The following IGFBP6 variants were observed in gnomAD, a reference collection of about 807,000 sequenced individuals.
IGFBP6 encodes the protein insulin like growth factor binding protein 6.
IGFBP6 carries 24 observed loss-of-function variants against 24.5 expected under a neutral mutation model. The ratio of observed to expected loss-of-function variants is 0.98; its 90% CI spans 0.71 to 1.38. The LOEUF (loss-of-function observed/expected upper bound fraction) is 1.38, where lower values mean the gene tolerates loss of function less well. Ranked by LOEUF, IGFBP6 falls within the 40% of genes most tolerant of loss-of-function variation. IGFBP6 has a pLI of 0.00. For missense variants in IGFBP6, 331 were observed against 324.8 expected, an observed-to-expected ratio of 1.02 and a Z score of -0.15; for synonymous variants, 147 against 137.4, an observed-to-expected ratio of 1.07 and a Z score of -0.49.
At position 53,102,162 on chromosome 12, in the gene IGFBP6, G is replaced by A. The variant is rs149870633; in HGVS notation, c.718G>A (p.Gly240Ser). Residue 240 changes from glycine to serine, a missense_variant, in exon 4 of 4, where the codon GGC becomes AGC. By Grantham distance (56) the Gly-to-Ser change is moderately conservative. Transcript: ENST00000301464. Reference sequence around the variant, plus strand: ...CTCCTCCTGCCCCACTGGGAGTAGCGGCTAAAGCTGGGGGATAGAGGGGCT... The same window carrying A: ...CTCCTCCTGCCCCACTGGGAGTAGCAGCTAAAGCTGGGGGATAGAGGGGCT... ...GSSSCPTGSS[G>S] 1.5e-5 allele frequency: 24 copies of A among 1,613,802 alleles called. No individual in the cohort carries two copies. The highest frequency in any genetic ancestry group is 7.7e-5 in the South Asian group (7 of 91,086).
At chr12:53,101,279 C>A in intron 3 of IGFBP6, 119 bp downstream of exon 3, 1 of 998,580 alleles carries the variant, frequency 1.0e-6, no homozygotes, top group Non-Finnish European at 1.5e-6. Flanking sequence ...GATCTTCCAA[C>A]TTTAGGAGAA....
At chr12:53,098,094 C>A in intron 1 of IGFBP6, 43 bp downstream of exon 1, 2 of 1,391,988 alleles carry the variant, frequency 1.4e-6, no homozygotes, top group Non-Finnish European at 1.8e-6. Context: ...GTGAGACCCG[C>A]GTCCTCCAGG....
intron 3 of IGFBP6, among the ~76,000 whole-genome samples, chr12:53,101,702 A>C (rs1052945833): frequency 2.0e-5 from 3 of 152,118 alleles, no homozygotes; most frequent in African/African-American, 7.2e-5. Flanking sequence ...GTTCAAGATC[A>C]GCCTGAACAA....
rs1334987766 is a variant in IGFBP6 at position 53,102,222 on chromosome 12, ACTCAACAAAAAACCGAGGCC to A, written c.*61_*80del. ...CTGGAAGGAACATGGAGCTGTCATC[ACTCAACAAAAAACCGAGGCC>A]CTCAATCCACCTTCAGGCCCCGCCC... On this transcript the variant is annotated 3_prime_UTR_variant, in exon 4 of 4. Coordinates refer to ENST00000301464, the MANE Select transcript of IGFBP6 (RefSeq NM_002178.3). 1.9e-6 allele frequency: 3 copies of A among 1,599,604 alleles called. No individual in the cohort carries two copies. The Admixed American group carries it at 5.2e-5, about 28-fold the overall frequency.
Position 53,100,779 on chromosome 12 carries a change from C to T in IGFBP6, c.402C>T (p.Arg134=). 3 of 1,614,210 alleles carry T rather than the reference C, an allele frequency of 1.9e-6. No homozygotes were observed. The highest frequency in any genetic ancestry group is 2.2e-5 in the South Asian group (2 of 91,088). The change falls in exon 2 of 4, where the codon CGC becomes CGT. Residue 134 remains arginine, a synonymous_variant. Transcript: ENST00000301464. ...CTGCCCGCCCACAGGATGTGAACCG[C>T]AGAGACCAACAGAGGAATCCAGGCA... is the stretch of plus-strand genomic sequence containing the variant. ...AGTARPQDVN[R]RDQQRNPGTS...
rs979866567 is a variant in IGFBP6 at position 53,102,230 on chromosome 12, A to G, written c.*63A>G. ...AACATGGAGCTGTCATCACTCAACA[A>G]AAAACCGAGGCCCTCAATCCACCTT... On this transcript the variant is annotated 3_prime_UTR_variant, in exon 4 of 4. Transcript: ENST00000301464. 8 of 1,588,222 alleles carry G rather than the reference A, an allele frequency of 5.0e-6. No homozygotes were observed. The highest frequency in any genetic ancestry group is 1.1e-5 in the South Asian group (1 of 88,662).
At position 53,100,723 on chromosome 12, in the gene IGFBP6, A is replaced by G; in HGVS notation, c.346A>G (p.Asn116Asp). 6.2e-7 allele frequency: 1 copy of G among 1,614,088 alleles called. No homozygotes were observed. Among genetic ancestry groups the G allele is most frequent in the Non-Finnish European group, 8.5e-7 (1 of 1,180,010 alleles). ...PARAPAVAEE[N>D]PKESKPQAGT... ...TATTCCTCCTCCAGTTGCAGAGGAG[A>G]ATCCTAAGGAGAGTAAACCCCAAGC... Residue 116 changes from asparagine (N) to aspartate (D), a missense_variant, in exon 2 of 4, where the codon AAT (asparagine) becomes GAT (aspartate). Physicochemically the swap from Asn to Asp is conservative, Grantham distance 23. Coordinates refer to ENST00000301464, the MANE Select transcript of IGFBP6 (RefSeq NM_002178.3).
At position 53,098,013 on chromosome 12, in the gene IGFBP6, T is replaced by G; in HGVS notation, c.296T>G (p.Leu99Arg). Residue 99 changes from leucine (L) to arginine (R), a missense_variant, in exon 1 of 4, where the codon CTC (leucine) becomes CGC (arginine). By Grantham distance (102) the Leu-to-Arg change is moderately radical. Coordinates refer to ENST00000301464, the MANE Select transcript of IGFBP6 (RefSeq NM_002178.3). ...GAGGCGCCTTTGCGGGCGCTGCTGC[T>G]CGGCCGAGGCCGCTGCCTTCCGGCC... ...DDEAPLRALL[L>R]GRGRCLPARA... 6.6e-7 allele frequency: 1 copy of G among 1,508,068 alleles called. No homozygotes were observed. The allele number at this position is 1,508,068 out of a possible 1,614,324, so 93.4% of individuals were successfully genotyped here. A position where few individuals can be genotyped will look rare whatever the true frequency, so the allele number is the denominator to read the frequency against.
At position 53,102,044 on chromosome 12, in the gene IGFBP6, GT is replaced by G. The variant is rs765984679; in HGVS notation, c.601del (p.Cys201AlafsTer45). 1 of 1,613,004 alleles carries G rather than the reference GT, an allele frequency of 6.2e-7. No individual in the cohort carries two copies. The highest frequency in any genetic ancestry group is 1.1e-5 in the South Asian group (1 of 91,036). ...DHRGFYRKRQ[C>X]RSSQGQRRGP... ...CCTGACCTGTGTGCCTCTCTCTCCA[GT>G]GCCGCTCCTCCCAGGGGCAGCGCCG... On this transcript the variant is annotated frameshift_variant and splice_region_variant, in exon 4 of 4. Transcript: ENST00000301464. LOFTEE classifies it high-confidence loss of function.
chr12:53,101,219 G>A lies in IGFBP6; in HGVS notation c.600+59G>A, dbSNP rs1937823944. On this transcript the variant is annotated intron_variant, in intron 3 of 3. Transcript: ENST00000301464. ...AGAAGGCTCCTGCCAGGGAGTGGGG[G>A]CGGTGCTGCTTACAAAGCTGCATAA... 2.5e-6 allele frequency: 4 copies of A among 1,583,396 alleles called. No individual in the cohort carries two copies. The South Asian group carries it at 3.3e-5, about 13-fold the overall frequency.
At position 53,097,785 on chromosome 12, in the gene IGFBP6, G is replaced by T; in HGVS notation, c.68G>T (p.Gly23Val). Residue 23 changes from glycine (G) to valine (V), a missense_variant, in exon 1 of 4, where the codon GGA becomes GTA. By Grantham distance (109) the Gly-to-Val change is moderately radical. Transcript: ENST00000301464. Reference sequence around the variant, plus strand: ...GCTCTGCTGCTCGCTGCCAGCCCAGGAGGCGCCTTGGCGCGGTGCCCAGGC... The same window carrying T: ...GCTCTGCTGCTCGCTGCCAGCCCAGTAGGCGCCTTGGCGCGGTGCCCAGGC... ...LLALLLAASPGGALARCPGCG... is the reference protein window; with the variant it reads ...LLALLLAASPVGALARCPGCG... 1 of 1,544,678 alleles carries T rather than the reference G, an allele frequency of 6.5e-7. No individual in the cohort carries two copies.
chr12:53,102,302 GGT>G lies in IGFBP6; in HGVS notation c.*138_*139del. The G allele has an allele frequency of 5.1e-6, 5 of 972,890 alleles. No homozygotes were observed. In the East Asian group the frequency reaches 1.3e-4, roughly 26 times the overall value. 60.3% of individuals were successfully genotyped at this position (972,890 alleles called of 1,614,324 possible). A position where few individuals can be genotyped will look rare whatever the true frequency, so the allele number is the denominator to read the frequency against. Reference sequence around the variant, plus strand: ...CTCACCGCTGGTTGGAAAGAGTGTTGGTGTTGGCTGGGGTGTCAATAAAGCTG... The same window carrying G: ...CTCACCGCTGGTTGGAAAGAGTGTTGGTTGGCTGGGGTGTCAATAAAGCTG... On this transcript the variant is annotated 3_prime_UTR_variant, in exon 4 of 4. Transcript: ENST00000301464.
intron 1 of IGFBP6, 86 bp downstream of exon 1, chr12:53,098,137 G>A (rs186535693): frequency 2.1e-4 from 282 of 1,345,334 alleles, no homozygotes; most frequent in Non-Finnish European, 2.5e-4. Context: ...TGGGTGGCCC[G>A]GCAAGCCTTT....
At chr12:53,099,368 G>T (rs1234304232) in intron 1 of IGFBP6, 1 of 454,468 alleles carries the variant, frequency 2.2e-6, no homozygotes, top group Admixed American at 2.4e-5. Flanking sequence ...TCTGCCCTCA[G>T]CCTATCTTGG....
chr12:53,099,296 C>G, intron 1 of IGFBP6: 1 of 455,850 alleles, frequency 2.2e-6, no homozygotes, highest in South Asian at 1.6e-5. Flanking sequence ...CCTCCGGAAA[C>G]TTTCTCCAGA....
At position 53,100,854 on chromosome 12, in the gene IGFBP6, G is replaced by A; in HGVS notation, c.477G>A (p.Glu159=). ...QPNSAGVQDT[E]MGPCRRHLDS... ...ATTCTGCGGGTGTCCAAGACACTGA[G>A]ATGGTGCGTTTGGAGCTGGTAGGGA... Residue 159 remains glutamate (E), a synonymous_variant, in exon 2 of 4, where the codon GAG becomes GAA. Transcript: ENST00000301464. 1 of 1,614,188 alleles carries A rather than the reference G, an allele frequency of 6.2e-7. No homozygotes were observed. The highest frequency in any genetic ancestry group is 8.5e-7 in the Non-Finnish European group (1 of 1,180,050).
At position 53,100,874 on chromosome 12, in the gene IGFBP6, T is replaced by C. The variant is rs1411523254; in HGVS notation, c.480+17T>C. On this transcript the variant is annotated intron_variant, in intron 2 of 3. Coordinates refer to ENST00000301464, the MANE Select transcript of IGFBP6 (RefSeq NM_002178.3). Reference sequence around the variant, plus strand: ...ACTGAGATGGTGCGTTTGGAGCTGGTAGGGAGCAGGAGGGGTGGGAAGCCC... The same window carrying C: ...ACTGAGATGGTGCGTTTGGAGCTGGCAGGGAGCAGGAGGGGTGGGAAGCCC... 3.7e-6 allele frequency: 6 copies of C among 1,613,966 alleles called. No individual in the cohort carries two copies. The highest frequency in any genetic ancestry group is 4.2e-6 in the Non-Finnish European group (5 of 1,179,968).
chr12:53,099,827 TA>T (rs1937798142), intron 1 of IGFBP6, among the ~76,000 whole-genome samples: 3 of 149,318 alleles, frequency 2.0e-5, no homozygotes, highest in South Asian at 2.1e-4. Flanking sequence ...ATTAAGTAGT[TA>T]ATTTTTTTTA....
Position 53,102,318 on chromosome 12 carries a change from T to A in IGFBP6, c.*151T>A, listed in dbSNP as rs1937845728. On this transcript the variant is annotated 3_prime_UTR_variant, in exon 4 of 4. Coordinates refer to ENST00000301464, the MANE Select transcript of IGFBP6 (RefSeq NM_002178.3). ...AAGAGTGTTGGTGTTGGCTGGGGTGTCAATAAAGCTGTGCTTGGGGTCGCT... is the reference window on the plus strand; with the variant it reads ...AAGAGTGTTGGTGTTGGCTGGGGTGACAATAAAGCTGTGCTTGGGGTCGCT... 1 of 818,118 alleles carries A rather than the reference T, an allele frequency of 1.2e-6. No homozygotes were observed. The highest frequency in any genetic ancestry group is 1.7e-5 in the African/African-American group (1 of 57,438). 50.7% of individuals were successfully genotyped at this position (818,118 alleles called of 1,614,324 possible).
Sources: gnomAD v4.1 joint callset for allele counts (sites outside exome capture counted in the v4.1 genomes callset) on GRCh38, gnomAD v4.1.1 for gene constraint, MANE v1.5 for transcripts, NCBI Gene and HGNC (gene_info 2026-07-23, HGNC 2026-07-21) for gene names.